Variants in BMPR1B observed in about 807,000 individuals in gnomAD.
BMPR1B encodes the protein bone morphogenetic protein receptor type 1B, also known as bone morphogenetic protein receptor type-1B.
In BMPR1B, 12 loss-of-function variants were observed where a neutral mutation model predicts 59.1. The observed-to-expected ratio is 0.20, with a 90% CI of 0.13 to 0.33. The LOEUF (loss-of-function observed/expected upper bound fraction) is 0.33, where lower values mean the gene tolerates loss of function less well. BMPR1B is among the 10% of genes least tolerant of loss of function. BMPR1B has a pLI of 1.00. For synonymous variants in BMPR1B, 237 were observed against 207.3 expected (o/e 1.14, Z -1.23); for missense variants, 550 against 610.9 (o/e 0.90, Z 1.05).
chr4:94,930,960 A>G (rs1213222547), intron 2 of BMPR1B, among the ~76,000 whole-genome samples: 2 of 151,418 alleles, frequency 1.3e-5, no homozygotes, highest in Non-Finnish European at 2.9e-5. Flanking sequence ...GAGGACTAAG[A>G]AAAAAAAATA....
chr4:95,029,347 A>ATT, intron 3 of BMPR1B, among the ~76,000 whole-genome samples: 1 of 145,190 alleles, frequency 6.9e-6, no homozygotes, highest in Middle Eastern at 3.9e-3. Context: ...AACATGTGGT[A>ATT]TTTGGTTTTT....
intron 3 of BMPR1B, among the ~76,000 whole-genome samples, chr4:95,053,015 T>G (rs1357693454): frequency 1.3e-5 from 2 of 152,194 alleles, no homozygotes; most frequent in Non-Finnish European, 2.9e-5. Flanking sequence ...TTTATTCTCT[T>G]TTAGCATTTT....
intron 8 of BMPR1B, among the ~76,000 whole-genome samples, chr4:95,125,744 T>C (rs1732859813): frequency 6.6e-6 from 1 of 152,232 alleles, no homozygotes; most frequent in African/African-American, 2.4e-5. Context: ...CCAGTGTTTC[T>C]TGCCTTCAAA....
chr4:95,131,602 A>G, intron 10 of BMPR1B, 90 bp downstream of exon 10: 2 of 1,418,880 alleles, frequency 1.4e-6, no homozygotes, highest in South Asian at 1.2e-5. Flanking sequence ...TATTTAGTAG[A>G]AGAGGAATAT....
At chr4:94,919,581 T>C (rs997030377) in intron 2 of BMPR1B, among the ~76,000 whole-genome samples, 3 of 152,136 alleles carry the variant, frequency 2.0e-5, no homozygotes, top group Non-Finnish European at 4.4e-5. Flanking sequence ...AGCCAGACTG[T>C]AGAGTTTGAG....
chr4:94,806,991 T>C (rs1723630225), intron 1 of BMPR1B, among the ~76,000 whole-genome samples: 1 of 152,136 alleles, frequency 6.6e-6, no homozygotes, highest in Admixed American at 6.5e-5. Context: ...TTGCCAGTTA[T>C]TTGTGCATTA....
At chr4:94,895,209 C>T (rs1727540497) in intron 2 of BMPR1B, among the ~76,000 whole-genome samples, 1 of 151,888 alleles carries the variant, frequency 6.6e-6, no homozygotes. Context: ...GAAAAATGTC[C>T]CTCATTGCTT....
chr4:94,941,305 G>A (rs1021822800), intron 2 of BMPR1B, among the ~76,000 whole-genome samples: 1 of 151,818 alleles, frequency 6.6e-6, no homozygotes, highest in Non-Finnish European at 1.5e-5. Flanking sequence ...GGTGGTGCAC[G>A]CCTGTAGTCC....
chr4:94,961,084 G>C (rs1207407948), intron 2 of BMPR1B, among the ~76,000 whole-genome samples: 1 of 151,616 alleles, frequency 6.6e-6, no homozygotes, highest in Non-Finnish European at 1.5e-5. Flanking sequence ...ATTTTGTTTA[G>C]AATGAGAGCG....
intron 3 of BMPR1B, among the ~76,000 whole-genome samples, chr4:95,053,281 TTGTGTGTGTGTGTGTGTGTG>T (rs60404669): frequency 1.5e-5 from 2 of 134,324 alleles, no homozygotes; most frequent in Admixed American, 1.5e-4. Context: ...TGCAGGGCAC[TTGTGTGTGTGTGTGTGTGTG>T]TGTGTGTGTG....
chr4:94,794,353 G>A (rs898652120), intron 1 of BMPR1B, among the ~76,000 whole-genome samples: 3 of 151,570 alleles, frequency 2.0e-5, no homozygotes, highest in Admixed American at 1.3e-4. Context: ...ATTTCTGAGG[G>A]CTCTGTTCTG....
intron 1 of BMPR1B, among the ~76,000 whole-genome samples, chr4:94,873,608 C>G (rs1726591596): frequency 6.6e-6 from 1 of 152,034 alleles, no homozygotes; most frequent in Non-Finnish European, 1.5e-5. Flanking sequence ...TGGGGTTTCA[C>G]CATGTTGGCC....
intron 2 of BMPR1B, among the ~76,000 whole-genome samples, chr4:94,957,439 A>G (rs1335703158): frequency 6.9e-6 from 1 of 145,618 alleles, no homozygotes; most frequent in East Asian, 2.0e-4. Context: ...ATTTTCTTAT[A>G]AGACTTTAGG....
intron 4 of BMPR1B, among the ~76,000 whole-genome samples, chr4:95,107,652 A>G (rs139260593): frequency 6.5e-4 from 99 of 152,176 alleles, no homozygotes; most frequent in East Asian, 3.5e-3. Flanking sequence ...AGCACTATCT[A>G]TGTTTGCTAG....
rs1579179002 is a variant in BMPR1B, at chr4:95,156,505, A to T, written c.*1832A>T. ...AGCTGGTAACTTGTTCATCCAGAAAACATTCTAAAGCAATGAGACTTTGTG... is the reference window on the plus strand; with the variant it reads ...AGCTGGTAACTTGTTCATCCAGAAATCATTCTAAAGCAATGAGACTTTGTG... On this transcript the variant is annotated 3_prime_UTR_variant, in exon 13 of 13. Coordinates refer to ENST00000515059, the MANE Select transcript of BMPR1B (RefSeq NM_001203.3). 6.6e-6 allele frequency: 1 copy of T among 152,118 alleles called. No homozygotes were observed. Among genetic ancestry groups the T allele is most frequent in the East Asian group, 1.9e-4 (1 of 5,194 alleles). The allele number at this position is 152,118 out of a possible 1,614,324, so 9.4% of individuals were successfully genotyped here. A position where few individuals can be genotyped will look rare whatever the true frequency, so the allele number is the denominator to read the frequency against.
At chr4:94,893,297 T>C (rs1298836480) in intron 2 of BMPR1B, among the ~76,000 whole-genome samples, 1 of 152,038 alleles carries the variant, frequency 6.6e-6, no homozygotes, top group Non-Finnish European at 1.5e-5. Flanking sequence ...TTGCACTTAG[T>C]GTTTATAGTC....
At chr4:94,839,264 T>C (rs1325327685) in intron 1 of BMPR1B, among the ~76,000 whole-genome samples, 1 of 134,860 alleles carries the variant, frequency 7.4e-6, no homozygotes. Flanking sequence ...GTTCTGTAGA[T>C]GTCTATTAGG....
At chr4:94,811,695 G>A (rs1723819729) in intron 1 of BMPR1B, among the ~76,000 whole-genome samples, 1 of 151,964 alleles carries the variant, frequency 6.6e-6, no homozygotes, top group Non-Finnish European at 1.5e-5. Context: ...TCGATACCTT[G>A]GTCATGACAA....
At chr4:94,827,798 A>G (rs1233814525) in intron 1 of BMPR1B, among the ~76,000 whole-genome samples, 2 of 152,208 alleles carry the variant, frequency 1.3e-5, no homozygotes, top group East Asian at 1.9e-4. Flanking sequence ...GGAGAAAGAG[A>G]AAAGTTGTCA....
Sources: gnomAD v4.1 joint callset for allele counts (sites outside exome capture counted in the v4.1 genomes callset) on GRCh38, gnomAD v4.1.1 for gene constraint, MANE v1.5 for transcripts, NCBI Gene and HGNC (gene_info 2026-07-23, HGNC 2026-07-21) for gene names.